The following DPP10 variants were observed in gnomAD, a reference collection of about 807,000 sequenced individuals.
DPP10 encodes the protein dipeptidyl peptidase like 10, also known as inactive dipeptidyl peptidase 10.
A neutral mutation model predicts 120.9 loss-of-function variants in DPP10; 33 were observed. The ratio of observed to expected loss-of-function variants is 0.27; its 90% CI spans 0.21 to 0.37. DPP10 has a LOEUF of 0.37. Among genes scored for constraint, DPP10 ranks in the 10% least tolerant of loss-of-function variants. The pLI, the probability that DPP10 is intolerant of heterozygous loss-of-function variation, is 1.00. For synonymous variants in DPP10, 337 were observed against 326.1 expected (o/e 1.03, Z -0.36); for missense variants, 816 against 942.8 (o/e 0.87, Z 1.76).
At chr2:115,127,747 A>G (rs1300181717) in intron 1 of DPP10, among the ~76,000 whole-genome samples, 1 of 152,118 alleles carries the variant, frequency 6.6e-6, no homozygotes, top group Non-Finnish European at 1.5e-5. Context: ...ATTTATATTT[A>G]TTTACTTGCC....
chr2:114,939,096 G>A (rs975682779), intron 1 of DPP10, among the ~76,000 whole-genome samples: 9 of 151,776 alleles, frequency 5.9e-5, no homozygotes, highest in East Asian at 1.9e-4. Flanking sequence ...AATGTCTACT[G>A]TATACTATAT....
intron 1 of DPP10, among the ~76,000 whole-genome samples, chr2:115,148,539 T>C (rs995881241): frequency 1.3e-5 from 2 of 152,168 alleles, no homozygotes; most frequent in Non-Finnish European, 2.9e-5. Context: ...AGAGAGAGCA[T>C]GACCCTGGAG....
Position 114,888,833 on chromosome 2 carries a change from G to T in DPP10, c.61-420406G>T, listed in dbSNP as rs545257875. Among the ~76,000 whole-genome samples, 6 of 152,110 alleles carry T rather than the reference G, an allele frequency of 3.9e-5. No homozygotes were observed. The South Asian group carries it at 1.2e-3, about 32-fold the overall frequency. On this transcript the variant is annotated intron_variant, in intron 1 of 25. Coordinates refer to ENST00000410059, the MANE Select transcript of DPP10 (RefSeq NM_020868.6). ...GAGATAGCACAGATAACTTGGCTGA[G>T]AACTCTTCATTTACACACAAGATGC... is the stretch of plus-strand genomic sequence containing the variant.
chr2:115,624,796 G>A (rs2085231910), intron 5 of DPP10, among the ~76,000 whole-genome samples: 1 of 152,020 alleles, frequency 6.6e-6, no homozygotes, highest in South Asian at 2.1e-4. Flanking sequence ...GTGCCCTGAA[G>A]AAAGATTTAT....
chr2:114,846,578 G>GTT (rs72304820), intron 1 of DPP10, among the ~76,000 whole-genome samples: 2 of 146,710 alleles, frequency 1.4e-5, no homozygotes, highest in Non-Finnish European at 3.0e-5. Context: ...CTCAGATTCT[G>GTT]TTTTTTTTTT....
At chr2:114,677,279 C>T (rs913883159) in intron 1 of DPP10, among the ~76,000 whole-genome samples, 1 of 152,094 alleles carries the variant, frequency 6.6e-6, no homozygotes, top group Non-Finnish European at 1.5e-5. Flanking sequence ...AAGAAAAATC[C>T]ACAGTTGTGA....
At chr2:115,410,426 G>A (rs1427461510) in intron 3 of DPP10, among the ~76,000 whole-genome samples, 6 of 152,218 alleles carry the variant, frequency 3.9e-5, no homozygotes, top group African/African-American at 1.2e-4. Context: ...GGAGCTGAAC[G>A]ATAAGAACAC....
At chr2:114,763,665 A>T (rs2106112794) in intron 1 of DPP10, among the ~76,000 whole-genome samples, 1 of 152,324 alleles carries the variant, frequency 6.6e-6, no homozygotes, top group African/African-American at 2.4e-5. Flanking sequence ...AAGAATCCTT[A>T]AAACCAAAGA....
intron 1 of DPP10, among the ~76,000 whole-genome samples, chr2:115,059,801 G>A (rs1365533988): frequency 6.6e-6 from 1 of 151,802 alleles, no homozygotes; most frequent in Non-Finnish European, 1.5e-5. Flanking sequence ...AGCAAGCTGC[G>A]GTTAGTTCTA....
At chr2:114,617,032 C>A (rs1281823539) in intron 1 of DPP10, among the ~76,000 whole-genome samples, 1 of 152,102 alleles carries the variant, frequency 6.6e-6, no homozygotes, top group Non-Finnish European at 1.5e-5. Context: ...TTAAATACCA[C>A]CAGTTAACAT....
At position 115,663,431 on chromosome 2, in the gene DPP10, C is replaced by T. The variant is rs532258258; in HGVS notation, c.442-26256C>T. The stretch of plus-strand genomic sequence containing the variant: ...GTTTTCCTTGCACAACTTTTCATTG[C>T]GCTAGTCTTGACTTTTTTCTGTCAA... On this transcript the variant is annotated intron_variant, in intron 5 of 25. Transcript: ENST00000410059. 1.1e-4 allele frequency among the ~76,000 whole-genome samples: 17 copies of T among 152,154 alleles called. 1 individual carries two copies. The South Asian group carries it at 2.9e-3, about 26-fold the overall frequency.
At chr2:115,380,205 C>T (rs1316025357) in intron 3 of DPP10, among the ~76,000 whole-genome samples, 5 of 152,128 alleles carry the variant, frequency 3.3e-5, no homozygotes, top group African/African-American at 9.7e-5. Context: ...TTGTAGGTCA[C>T]TCAGGACTTG....
rs775281260 is a variant in DPP10, at chr2:115,297,771, A to G, written c.61-11468A>G. ...ACTTTAGTTCTAGGCAGAATGTAGC[A>G]GAAGATTATATATGCAGCCTGCTCA... On this transcript the variant is annotated intron_variant, in intron 1 of 25. Coordinates refer to ENST00000410059, the MANE Select transcript of DPP10 (RefSeq NM_020868.6). Among the ~76,000 whole-genome samples the G allele has an allele frequency of 6.1e-4, 93 of 152,098 alleles. 1 individual carries two copies. The highest frequency in any genetic ancestry group is 2.5e-4 in the Non-Finnish European group (17 of 67,984).
At position 114,841,721 on chromosome 2, in the gene DPP10, A is replaced by C. The variant is rs576353243; in HGVS notation, c.60+398883A>C. 5.3e-5 allele frequency among the ~76,000 whole-genome samples: 8 copies of C among 152,248 alleles called. 1 individual carries two copies. The highest frequency in any genetic ancestry group is 1.9e-4 in the African/African-American group (8 of 41,570). ...AAGTTAAGAATCAAAGTGGAAACTC[A>C]ATTCTGTGAACTTACCCAGCACAGG... On this transcript the variant is annotated intron_variant, in intron 1 of 25. Transcript: ENST00000410059.
intron 3 of DPP10, among the ~76,000 whole-genome samples, chr2:115,417,805 A>G (rs1295938775): frequency 6.6e-6 from 1 of 152,150 alleles, no homozygotes; most frequent in Non-Finnish European, 1.5e-5. Context: ...CAGTTAAAAC[A>G]TTTGTCTTTT....
chr2:115,068,002 G>C (rs1261299971), intron 1 of DPP10, among the ~76,000 whole-genome samples: 1 of 151,734 alleles, frequency 6.6e-6, no homozygotes, highest in Non-Finnish European at 1.5e-5. Context: ...CCGTATCTTG[G>C]CCATTGTGAA....
At chr2:115,231,306 A>G (rs1401888725) in intron 1 of DPP10, among the ~76,000 whole-genome samples, 1 of 152,138 alleles carries the variant, frequency 6.6e-6, no homozygotes, top group Non-Finnish European at 1.5e-5. Flanking sequence ...ATGATATATG[A>G]AAGTATAATA....
intron 1 of DPP10, among the ~76,000 whole-genome samples, chr2:114,925,823 C>T (rs1316958573): frequency 6.6e-6 from 1 of 152,074 alleles, no homozygotes; most frequent in Non-Finnish European, 1.5e-5. Flanking sequence ...TCACATGTGC[C>T]GCTAAAATCA....
chr2:114,710,131 TA>T (rs1700929803), intron 1 of DPP10, among the ~76,000 whole-genome samples: 2 of 152,246 alleles, frequency 1.3e-5, no homozygotes, highest in Admixed American at 1.3e-4. Flanking sequence ...GACAAACTAC[TA>T]AGGCCTGTGG....
Sources: allele counts gnomAD v4.1 joint callset (sites outside exome capture counted in the v4.1 genomes callset), GRCh38; gene constraint gnomAD v4.1.1; transcripts MANE v1.5; gene names NCBI Gene and HGNC (gene_info 2026-07-23, HGNC 2026-07-21).